Variants in ARHGAP25 observed in about 807,000 individuals in gnomAD.
ARHGAP25 encodes the protein Rho GTPase activating protein 25.
In ARHGAP25, 34 loss-of-function variants were observed where a neutral mutation model predicts 71.0. The ratio of observed to expected loss-of-function variants is 0.48; its 90% CI spans 0.36 to 0.64. ARHGAP25 has a LOEUF of 0.64. Among genes scored for constraint, ARHGAP25 ranks in the 30% least tolerant of loss-of-function variants. The pLI is 0.00. For missense variants in ARHGAP25, 706 were observed against 805.1 expected (o/e 0.88, Z 1.49); for synonymous variants, 282 against 296.5 (o/e 0.95, Z 0.50).
chr2:68,722,073 A>C (rs1185776681), intron 2 of ARHGAP25, among the ~76,000 whole-genome samples: 1 of 152,228 alleles, frequency 6.6e-6, no homozygotes, highest in African/African-American at 2.4e-5. Flanking sequence ...CTTTGTGGAC[A>C]GACAGCGTCC....
chr2:68,729,894 C>T (rs1225075709), upstream of ARHGAP25, among the ~76,000 whole-genome samples: 2 of 152,172 alleles, frequency 1.3e-5, no homozygotes, highest in East Asian at 3.8e-4. Context: ...TCTAAGAATT[C>T]CCCCTGAGGG....
intron 4 of ARHGAP25, among the ~76,000 whole-genome samples, chr2:68,793,905 A>G (rs1016592718): frequency 3.9e-5 from 6 of 152,100 alleles, no homozygotes; most frequent in Non-Finnish European, 8.8e-5. Flanking sequence ...CCAATGCATG[A>G]GCATGGGATT....
chr2:68,730,775 C>A (rs547266497), upstream of ARHGAP25, among the ~76,000 whole-genome samples: 1 of 152,138 alleles, frequency 6.6e-6, no homozygotes, highest in African/African-American at 2.4e-5. Context: ...GGGGGCCATA[C>A]ATCATTTCTG....
intron 2 of ARHGAP25, among the ~76,000 whole-genome samples, chr2:68,777,978 A>G (rs541383802): frequency 6.6e-6 from 1 of 152,282 alleles, no homozygotes; most frequent in African/African-American, 2.4e-5. Flanking sequence ...TTAACAATAT[A>G]TCATGAATTT....
intron 2 of ARHGAP25, among the ~76,000 whole-genome samples, chr2:68,723,566 C>T (rs1429920156): frequency 2.6e-5 from 4 of 152,210 alleles, no homozygotes; most frequent in African/African-American, 2.4e-5. Flanking sequence ...ATTCCAAATG[C>T]TTTTCTCAGA....
At chr2:68,782,349 C>T in intron 3 of ARHGAP25, 29 bp downstream of exon 3, 1 of 1,596,288 alleles carries the variant, frequency 6.3e-7, no homozygotes, top group Non-Finnish European at 8.6e-7. Flanking sequence ...GACAGAGGTG[C>T]AGTGCAGAAG....
At chr2:68,741,022 A>T (rs1438363922) in intron 1 of ARHGAP25, among the ~76,000 whole-genome samples, 1 of 152,206 alleles carries the variant, frequency 6.6e-6, no homozygotes, top group Non-Finnish European at 1.5e-5. Flanking sequence ...ACATATGCTG[A>T]GAGGAAGAAA....
chr2:68,718,481 G>A (rs1462567068), intron 2 of ARHGAP25, among the ~76,000 whole-genome samples: 2 of 151,864 alleles, frequency 1.3e-5, no homozygotes, highest in Admixed American at 1.3e-4. Flanking sequence ...TGACTTAATC[G>A]CATCTGCAAA....
At chr2:68,713,173 CT>C (rs1210696230) in intron 2 of ARHGAP25, among the ~76,000 whole-genome samples, 1 of 152,296 alleles carries the variant, frequency 6.6e-6, no homozygotes, top group East Asian at 1.9e-4. Context: ...TTTGTGTCCT[CT>C]TTTATTTCCT....
At chr2:68,741,282 A>C (rs1170692233) in intron 1 of ARHGAP25, among the ~76,000 whole-genome samples, 1 of 152,232 alleles carries the variant, frequency 6.6e-6, no homozygotes, top group Admixed American at 6.5e-5. Context: ...TGAAGAATGG[A>C]GAACGCCAGC....
At position 68,823,680 on chromosome 2, in the gene ARHGAP25, C is replaced by A. The variant is rs543099049; in HGVS notation, c.1733+808C>A. Among the ~76,000 whole-genome samples, 21 of 152,290 alleles carry A rather than the reference C, an allele frequency of 1.4e-4. No homozygotes were observed. In the South Asian group the frequency reaches 4.4e-3, roughly 32 times the overall value. ...CGCAGTAGGGTTTTGTCAGCCACTG[C>A]AAAGCCTGAGTAAGAAGCTTCGGGG... is the stretch of plus-strand genomic sequence containing the variant. On this transcript the variant is annotated intron_variant, in intron 10 of 10. Transcript: ENST00000409202.
At chr2:68,750,117 C>T (rs548904878) in intron 1 of ARHGAP25, among the ~76,000 whole-genome samples, 277 of 152,210 alleles carry the variant, frequency 1.8e-3, no homozygotes, top group Non-Finnish European at 2.5e-3. Flanking sequence ...AACAATCCTC[C>T]CACCCCAGCC....
intron 4 of ARHGAP25, among the ~76,000 whole-genome samples, chr2:68,798,909 G>A (rs544148204): frequency 1.3e-5 from 2 of 152,274 alleles, no homozygotes; most frequent in South Asian, 2.1e-4. Context: ...ACAGCAATAG[G>A]TAGTCATTGG....
chr2:68,765,051 C>G (rs1677043250), intron 1 of ARHGAP25, among the ~76,000 whole-genome samples: 1 of 152,062 alleles, frequency 6.6e-6, no homozygotes, highest in Non-Finnish European at 1.5e-5. Context: ...CCTCACAGAC[C>G]ACCCTTGGGC....
At chr2:68,711,257 G>T (rs1371866153) in intron 2 of ARHGAP25, among the ~76,000 whole-genome samples, 1 of 152,206 alleles carries the variant, frequency 6.6e-6, no homozygotes, top group Non-Finnish European at 1.5e-5. Flanking sequence ...GAATGGAGGT[G>T]AATTTTCCCA....
chr2:68,787,843 C>T lies in ARHGAP25; in HGVS notation c.353C>T (p.Ser118Leu). The T allele has an allele frequency of 6.2e-7, 1 of 1,614,032 alleles. No individual in the cohort carries two copies. The highest frequency in any genetic ancestry group is 8.5e-7 in the Non-Finnish European group (1 of 1,179,858). ...GKFVFEIIPA[S>L]WDQNRMGQDS... The stretch of plus-strand genomic sequence containing the variant: ...CAAGTGCTAATTCTTCCTCCAGCCT[C>T]ATGGGACCAGAATCGCATGGGACAG... Residue 118 changes from serine to leucine, a missense_variant, in exon 4 of 11, where the codon TCA (serine) becomes TTA (leucine). By Grantham distance (145) the Ser-to-Leu change is moderately radical. Transcript: ENST00000409202.
chr2:68,818,614 C>A (rs939316140), intron 8 of ARHGAP25, among the ~76,000 whole-genome samples: 1 of 152,218 alleles, frequency 6.6e-6, no homozygotes, highest in Non-Finnish European at 1.5e-5. Context: ...AGGCGTGAGC[C>A]GCTGTGCCCA....
intron 1 of ARHGAP25, among the ~76,000 whole-genome samples, chr2:68,765,360 TA>T (rs71397305): frequency 4.3e-4 from 63 of 145,186 alleles, no homozygotes; most frequent in African/African-American, 7.6e-4. Flanking sequence ...AGTTGACATG[TA>T]AAAAAAAAAA....
In ARHGAP25 at chr2:68,752,452, A is replaced by G. The variant is rs115516345; in HGVS notation, c.61+17192A>G. Among the ~76,000 whole-genome samples the G allele has an allele frequency of 8.5e-3, 1,293 of 152,288 alleles. 18 individuals carry two copies. The highest frequency in any genetic ancestry group is 0.03 in the African/African-American group (1,229 of 41,546). Reference sequence around the variant, plus strand: ...CCAGAAGAGCAGTGGCATTATTGTTATCTCATAGATAAATGTAATAGGCCT... The same window carrying G: ...CCAGAAGAGCAGTGGCATTATTGTTGTCTCATAGATAAATGTAATAGGCCT... On this transcript the variant is annotated intron_variant, in intron 1 of 10. Transcript: ENST00000409202.
Sources: allele counts gnomAD v4.1 joint callset (sites outside exome capture counted in the v4.1 genomes callset), GRCh38; gene constraint gnomAD v4.1.1; transcripts MANE v1.5; gene names NCBI Gene and HGNC (gene_info 2026-07-23, HGNC 2026-07-21).